Variants in GMDS observed in about 807,000 individuals in gnomAD.
The protein encoded by GMDS is GDP-mannose 4,6-dehydratase, also known as GDP-mannose 4,6 dehydratase.
Under a neutral mutation model 49.9 loss-of-function variants are expected in GMDS, and 20 were observed. The observed-to-expected ratio is 0.40, with a 90% CI of 0.28 to 0.58. The LOEUF is 0.58. Among genes scored for constraint, GMDS ranks in the 20% least tolerant of loss-of-function variants. GMDS has a pLI of 0.42. For missense variants in GMDS, 362 were observed against 481.4 expected (o/e 0.75, Z 2.32); for synonymous variants, 177 against 178.6 (o/e 0.99, Z 0.07).
At chr6:1,814,554 A>C (rs1770577059) in intron 7 of GMDS, among the ~76,000 whole-genome samples, 1 of 152,148 alleles carries the variant, frequency 6.6e-6, no homozygotes, top group South Asian at 2.1e-4. Context: ...TATTATGAAG[A>C]CCTGAGCAAC....
chr6:1,636,884 C>T (rs771056787), intron 9 of GMDS, among the ~76,000 whole-genome samples: 3 of 152,208 alleles, frequency 2.0e-5, no homozygotes, highest in Non-Finnish European at 2.9e-5. Flanking sequence ...CCCTGTAGCA[C>T]AAGCTCTGAA....
At chr6:2,165,821 T>C (rs1244846187) in intron 1 of GMDS, among the ~76,000 whole-genome samples, 2 of 152,056 alleles carry the variant, frequency 1.3e-5, no homozygotes, top group African/African-American at 2.4e-5. Context: ...AAGAGAACAC[T>C]TTGAAATAAA....
chr6:1,886,294 C>G (rs1759602344), intron 7 of GMDS, among the ~76,000 whole-genome samples: 1 of 151,962 alleles, frequency 6.6e-6, no homozygotes, highest in Non-Finnish European at 1.5e-5. Context: ...ACTCTAACAA[C>G]TAAATATCAA....
chr6:1,690,234 A>G (rs1197872847), intron 9 of GMDS, among the ~76,000 whole-genome samples: 1 of 152,134 alleles, frequency 6.6e-6, no homozygotes, highest in African/African-American at 2.4e-5. Context: ...GTTTAATTAG[A>G]TCCCATTTGT....
intron 7 of GMDS, among the ~76,000 whole-genome samples, chr6:1,831,612 C>T (rs1756648136): frequency 6.6e-6 from 1 of 152,160 alleles, no homozygotes; most frequent in Non-Finnish European, 1.5e-5. Context: ...GTTTTTTATT[C>T]CAGCTTTCTG....
chr6:1,899,386 G>A (rs886411947), intron 7 of GMDS, among the ~76,000 whole-genome samples: 27 of 151,986 alleles, frequency 1.8e-4, no homozygotes, highest in African/African-American at 5.8e-4. Flanking sequence ...ATGTAAGACC[G>A]TGGTCCCCAC....
chr6:2,148,103 T>C (rs1285539023), intron 1 of GMDS, among the ~76,000 whole-genome samples: 9 of 152,126 alleles, frequency 5.9e-5, no homozygotes, highest in Non-Finnish European at 1.3e-4. Context: ...TTACTATTCC[T>C]GGAAACACTT....
intron 1 of GMDS, among the ~76,000 whole-genome samples, chr6:2,244,883 A>G (rs983696727): frequency 2.0e-4 from 30 of 152,180 alleles, no homozygotes; most frequent in Non-Finnish European, 3.8e-4. Context: ...TTGCTTCCCA[A>G]ACGTTAGCAG....
At chr6:1,972,339 T>C (rs939599009) in intron 4 of GMDS, among the ~76,000 whole-genome samples, 16 of 151,358 alleles carry the variant, frequency 1.1e-4, no homozygotes, top group Non-Finnish European at 2.4e-4. Flanking sequence ...CCATATTAGA[T>C]GCCTTTTCTC....
intron 9 of GMDS, among the ~76,000 whole-genome samples, chr6:1,683,884 T>C (rs1047680858): frequency 6.6e-6 from 1 of 152,158 alleles, no homozygotes; most frequent in African/African-American, 2.4e-5. Flanking sequence ...ACACATTTTA[T>C]ACTGTAATAG....
chr6:1,790,382 C>A (rs893526255), intron 7 of GMDS, among the ~76,000 whole-genome samples: 6 of 152,170 alleles, frequency 3.9e-5, no homozygotes, highest in Non-Finnish European at 7.3e-5. Context: ...CTACTATTTT[C>A]TTTATTTTAT....
Position 1,751,874 on chromosome 6 carries a change from C to T in GMDS, c.772-9288G>A, listed in dbSNP as rs190135227. ...AGAACGTCCACACAAAAACTCCATC[C>T]AAAGGTCACCAACATCAAAGATCAA... On this transcript the variant is annotated intron_variant, in intron 7 of 10. Coordinates refer to ENST00000380815, the MANE Select transcript of GMDS (RefSeq NM_001500.4). Among the ~76,000 whole-genome samples, 63 of 152,240 alleles carry T rather than the reference C, an allele frequency of 4.1e-4. No individual in the cohort carries two copies. In the East Asian group the frequency reaches 0.01, roughly 25 times the overall value.
At chr6:2,237,518 CTTTTTTTTTTT>C (rs397885506) in intron 1 of GMDS, among the ~76,000 whole-genome samples, 1 of 125,872 alleles carries the variant, frequency 7.9e-6, no homozygotes, top group Non-Finnish European at 1.7e-5. Flanking sequence ...TTGGAAGTAC[CTTTTTTTTTTT>C]TTTTTTTTTT....
chr6:1,900,713 T>C (rs1760458112), intron 7 of GMDS, among the ~76,000 whole-genome samples: 1 of 152,206 alleles, frequency 6.6e-6, no homozygotes, highest in African/African-American at 2.4e-5. Flanking sequence ...CCAGAGAAGC[T>C]GCTGGGTCAT....
At chr6:1,988,376 TAATATATC>T (rs1403192039) in intron 4 of GMDS, among the ~76,000 whole-genome samples, 1 of 151,332 alleles carries the variant, frequency 6.6e-6, no homozygotes, top group African/African-American at 2.4e-5. Flanking sequence ...AAGAATGTGA[TAATATATC>T]CTCCCTGCAA....
intron 4 of GMDS, among the ~76,000 whole-genome samples, chr6:1,994,197 G>T (rs772306245): frequency 2.0e-5 from 3 of 152,024 alleles, no homozygotes; most frequent in Non-Finnish European, 4.4e-5. Context: ...TTATTTTCTT[G>T]TTCTTTTTAT....
intron 7 of GMDS, among the ~76,000 whole-genome samples, chr6:1,888,306 G>A (rs1396732117): frequency 6.6e-6 from 1 of 151,968 alleles, no homozygotes; most frequent in African/African-American, 2.4e-5. Flanking sequence ...GTTCAGCAAG[G>A]CTGGGGAGGC....
rs188284494 is a variant in GMDS at position 1,741,380 on chromosome 6, C to T, written c.890+1088G>A. ...AGCTTCTGGTAAGCACCATTCTACT[C>T]TCTGCTTCTCTATCATCTTTCTTTA... On this transcript the variant is annotated intron_variant, in intron 8 of 10. Transcript: ENST00000380815. 1.6e-3 allele frequency among the ~76,000 whole-genome samples: 239 copies of T among 152,332 alleles called. 1 individual carries two copies. The highest frequency in any genetic ancestry group is 5.3e-3 in the African/African-American group (220 of 41,584).
At chr6:2,122,691 T>C (rs1179660625) in intron 2 of GMDS, among the ~76,000 whole-genome samples, 1 of 152,220 alleles carries the variant, frequency 6.6e-6, no homozygotes, top group African/African-American at 2.4e-5. Flanking sequence ...CAGCAGCCTA[T>C]TAAAGTTGAA....
Sources: gnomAD v4.1 joint callset for allele counts (sites outside exome capture counted in the v4.1 genomes callset) on GRCh38, gnomAD v4.1.1 for gene constraint, MANE v1.5 for transcripts, NCBI Gene and HGNC (gene_info 2026-07-23, HGNC 2026-07-21) for gene names.